RGS9: variants seen among roughly 807,000 people sequenced by gnomAD.
RGS9 encodes regulator of G-protein signalling 9.
In RGS9, 78 loss-of-function variants were observed where a neutral mutation model predicts 102.0. That is an observed-to-expected ratio of 0.76 (90% CI 0.64 to 0.92). RGS9 has a LOEUF of 0.92. RGS9 is among the 40% of genes least tolerant of loss of function. RGS9 has a pLI of 0.00. For synonymous variants in RGS9, 353 were observed against 318.6 expected (o/e 1.11, Z -1.15); for missense variants, 833 against 866.1 (o/e 0.96, Z 0.48).
In RGS9 at chr17:65,225,637, T is replaced by C. The variant is rs1343643044; in HGVS notation, c.1892+151T>C. 2.0e-5 allele frequency: 22 copies of C among 1,110,028 alleles called. No individual in the cohort carries two copies. In the Admixed American group the frequency reaches 4.2e-4, roughly 21 times the overall value. 68.8% of individuals were successfully genotyped at this position (1,110,028 alleles called of 1,614,324 possible). On this transcript the variant is annotated intron_variant, in intron 18 of 18. Coordinates refer to ENST00000262406, the MANE Select transcript of RGS9 (RefSeq NM_003835.4). ...CTCAGATCCCTTGGCCACTGGAAGA[T>C]ATTCAGAAACTCAGTTTTGTCCTCT...
At chr17:65,193,444 G>T (rs533220491) in intron 11 of RGS9, 99 bp from the exon 12 acceptor site, 2 of 789,912 alleles carry the variant, frequency 2.5e-6, no homozygotes, top group Admixed American at 3.8e-5. Context: ...TCACCAAATC[G>T]ATACAGGAAA....
chr17:65,210,873 G>T (rs770255216), intron 17 of RGS9, among the ~76,000 whole-genome samples: 16 of 152,260 alleles, frequency 1.1e-4, no homozygotes, highest in Middle Eastern at 6.8e-3. Context: ...GTGGGCGAAG[G>T]CGGTGGGTGG....
chr17:65,221,085 C>T (rs1913691372), intron 17 of RGS9, among the ~76,000 whole-genome samples: 1 of 152,142 alleles, frequency 6.6e-6, no homozygotes, highest in South Asian at 2.1e-4. Flanking sequence ...AAGACATCTG[C>T]TTAGATTGTC....
intron 17 of RGS9, among the ~76,000 whole-genome samples, chr17:65,224,018 A>C (rs1905496127): frequency 6.6e-6 from 1 of 151,764 alleles, no homozygotes; most frequent in African/African-American, 2.4e-5. Context: ...CAGCTTCCCA[A>C]AGTGCTGGGA....
intron 17 of RGS9, among the ~76,000 whole-genome samples, chr17:65,219,559 T>C (rs1411594376): frequency 6.6e-6 from 1 of 152,236 alleles, no homozygotes; most frequent in Non-Finnish European, 1.5e-5. Context: ...AACAAACCCC[T>C]CTATCCATGG....
At chr17:65,148,105 A>G (rs1037114803) in intron 1 of RGS9, among the ~76,000 whole-genome samples, 1 of 152,184 alleles carries the variant, frequency 6.6e-6, no homozygotes, top group African/African-American at 2.4e-5. Context: ...GGCAACCACC[A>G]TTCTGATATT....
At chr17:65,141,765 C>T (rs1396857875) in intron 1 of RGS9, among the ~76,000 whole-genome samples, 1 of 152,070 alleles carries the variant, frequency 6.6e-6, no homozygotes, top group Admixed American at 6.5e-5. Flanking sequence ...TACAAGGGGG[C>T]TTGCAATGGA....
chr17:65,186,915 T>A (rs968049514), intron 9 of RGS9, among the ~76,000 whole-genome samples: 12 of 152,208 alleles, frequency 7.9e-5, no homozygotes, highest in Admixed American at 2.6e-4. Flanking sequence ...CTATTCTGAA[T>A]AACCCACTCC....
intron 7 of RGS9, among the ~76,000 whole-genome samples, chr17:65,165,088 G>A (rs942188476): frequency 1.3e-5 from 2 of 152,144 alleles, no homozygotes; most frequent in African/African-American, 4.8e-5. Context: ...TGGGTAAGAT[G>A]TGCCCCTCTC....
chr17:65,137,987 G>C (rs1425933498), intron 1 of RGS9, among the ~76,000 whole-genome samples: 1 of 152,202 alleles, frequency 6.6e-6, no homozygotes, highest in East Asian at 1.9e-4. Context: ...TAAAGTGTGT[G>C]TGTGTGTACA....
Position 65,227,411 on chromosome 17 carries a change from A to G in RGS9, c.*4A>G. ...CTGCCCCTGGGAGAGCCTGTAAGGA[A>G]AGAGGCAGGCTGAGCTGGGGGCTCT... On this transcript the variant is annotated 3_prime_UTR_variant, in exon 19 of 19. Transcript: ENST00000262406. 6.2e-7 allele frequency: 1 copy of G among 1,612,554 alleles called. No homozygotes were observed. Among genetic ancestry groups the G allele is most frequent in the Non-Finnish European group, 8.5e-7 (1 of 1,179,162 alleles).
intron 1 of RGS9, among the ~76,000 whole-genome samples, chr17:65,151,324 G>T (rs920654040): frequency 6.9e-6 from 1 of 145,748 alleles, no homozygotes; most frequent in Non-Finnish European, 1.5e-5. Context: ...CAGCCTGGGC[G>T]ACAGAGGAAG....
At chr17:65,214,040 C>T (rs973413547) in intron 17 of RGS9, among the ~76,000 whole-genome samples, 1 of 152,150 alleles carries the variant, frequency 6.6e-6, no homozygotes, top group African/African-American at 2.4e-5. Context: ...TGGCTCACTG[C>T]AGCCTTGACC....
intron 14 of RGS9, among the ~76,000 whole-genome samples, chr17:65,202,623 C>T (rs1213915690): frequency 6.6e-6 from 1 of 152,172 alleles, no homozygotes; most frequent in Non-Finnish European, 1.5e-5. Flanking sequence ...TCATTCCTGA[C>T]ATCACGGCTC....
chr17:65,191,651 G>A (rs1912371218), intron 11 of RGS9, among the ~76,000 whole-genome samples: 1 of 152,122 alleles, frequency 6.6e-6, no homozygotes, highest in African/African-American at 2.4e-5. Context: ...GGAGGCTGAG[G>A]CACAAGAATT....
intron 8 of RGS9, among the ~76,000 whole-genome samples, chr17:65,175,561 G>T (rs778020626): frequency 6.6e-6 from 1 of 152,154 alleles, no homozygotes; most frequent in African/African-American, 2.4e-5. Flanking sequence ...CTGCTGGGGA[G>T]CAGTGGTCTC....
intron 1 of RGS9, among the ~76,000 whole-genome samples, chr17:65,145,228 C>A (rs1056480023): frequency 1.3e-5 from 2 of 150,222 alleles, no homozygotes; most frequent in Non-Finnish European, 3.0e-5. Flanking sequence ...GTAGCTGGGA[C>A]TACAGGTGCC....
At chr17:65,212,023 A>G (rs1180792720) in intron 17 of RGS9, among the ~76,000 whole-genome samples, 1 of 152,198 alleles carries the variant, frequency 6.6e-6, no homozygotes, top group Admixed American at 6.5e-5. Context: ...GAGTGAGATG[A>G]GTTTTCTCTG....
intron 17 of RGS9, among the ~76,000 whole-genome samples, chr17:65,213,400 C>A (rs1026833736): frequency 6.6e-6 from 1 of 152,098 alleles, no homozygotes; most frequent in Non-Finnish European, 1.5e-5. Context: ...GCTGTGTGGC[C>A]TACTTTTATG....
Sources: allele counts gnomAD v4.1 joint callset (sites outside exome capture counted in the v4.1 genomes callset), GRCh38; gene constraint gnomAD v4.1.1; transcripts MANE v1.5; gene names NCBI Gene and HGNC (gene_info 2026-07-23, HGNC 2026-07-21).